CDH9: variants seen among roughly 807,000 people sequenced by gnomAD.
The protein encoded by CDH9 is cadherin 9, also known as cadherin-9.
CDH9 carries 28 observed loss-of-function variants against 70.9 expected under a neutral mutation model. That is an observed-to-expected ratio of 0.40 (90% CI 0.29 to 0.54). The LOEUF (loss-of-function observed/expected upper bound fraction) is 0.54. CDH9 is among the 20% of genes least tolerant of loss of function. CDH9 has a pLI of 0.59. For synonymous variants in CDH9, 409 were observed against 343.1 expected (o/e 1.19, Z -2.12); for missense variants, 874 against 984.4 (o/e 0.89, Z 1.50).
chr5:26,974,268 A>T (rs1486471408), intron 2 of CDH9, among the ~76,000 whole-genome samples: 2 of 152,092 alleles, frequency 1.3e-5, no homozygotes, highest in Non-Finnish European at 2.9e-5. Context: ...GAAAGAAGTT[A>T]AAAAAGGCCA....
chr5:26,940,566 C>A (rs1579464453), intron 2 of CDH9, among the ~76,000 whole-genome samples: 1 of 152,230 alleles, frequency 6.6e-6, no homozygotes, highest in Middle Eastern at 3.4e-3. Context: ...CAGGACCTGG[C>A]CCAAGCCCAA....
chr5:26,890,364 G>C, intron 8 of CDH9, 64 bp downstream of exon 8: 1 of 1,367,926 alleles, frequency 7.3e-7, no homozygotes, highest in Non-Finnish European at 1.0e-6. Flanking sequence ...GAGTCTAGCT[G>C]GTGCTATTAT....
chr5:26,998,105 CCA>C (rs975509884), intron 1 of CDH9, among the ~76,000 whole-genome samples: 2 of 152,086 alleles, frequency 1.3e-5, no homozygotes, highest in African/African-American at 4.8e-5. Context: ...CAAGGGCATT[CCA>C]CACCCAGCAT....
At position 26,889,871 on chromosome 5, in the gene CDH9, C is replaced by G. The variant is rs756298690; in HGVS notation, c.1477G>C (p.Glu493Gln). The part of the protein sequence containing the change: ...DHAPEFAMYY[E>Q]TFVCENAKPG... ...TTTGCATTTTCACAAACAAATGTTTCATAATACATGGCAAATTCCGGAGCA... is the reference window on the plus strand; with the variant it reads ...TTTGCATTTTCACAAACAAATGTTTGATAATACATGGCAAATTCCGGAGCA... The change falls in exon 9 of 12, where the codon GAA (glutamate) becomes CAA (glutamine). Residue 493 changes from glutamate (E) to glutamine (Q), a missense_variant. Physicochemically the swap from Glu to Gln is conservative, Grantham distance 29 (BLOSUM62 2). Coordinates refer to ENST00000231021, the MANE Select transcript of CDH9 (RefSeq NM_016279.4). 67 of 1,599,392 alleles carry G rather than the reference C, an allele frequency of 4.2e-5. No individual in the cohort carries two copies. In the East Asian group the frequency reaches 1.5e-3, roughly 35 times the overall value.
At chr5:27,031,641 G>C (rs1453308266) in intron 1 of CDH9, among the ~76,000 whole-genome samples, 1 of 151,770 alleles carries the variant, frequency 6.6e-6, no homozygotes, top group Non-Finnish European at 1.5e-5. Flanking sequence ...TTTAATAAAG[G>C]GTTGCAGTGA....
intron 2 of CDH9, among the ~76,000 whole-genome samples, chr5:26,941,657 A>G (rs762985631): frequency 2.0e-5 from 3 of 152,162 alleles, no homozygotes; most frequent in African/African-American, 7.2e-5. Context: ...AATATCTCCA[A>G]ATCTTTCACA....
chr5:26,993,624 A>AT (rs1742616920), intron 1 of CDH9, among the ~76,000 whole-genome samples: 1 of 142,604 alleles, frequency 7.0e-6, no homozygotes, highest in Non-Finnish European at 1.5e-5. Flanking sequence ...AAGAAGAAGG[A>AT]TATGGGAAGG....
At chr5:26,898,784 C>A (rs1053038652) in intron 7 of CDH9, among the ~76,000 whole-genome samples, 3 of 152,036 alleles carry the variant, frequency 2.0e-5, no homozygotes, top group Non-Finnish European at 2.9e-5. Context: ...GACTAAAACA[C>A]CAAAAGCAAT....
chr5:26,895,204 GT>G (rs906655890), intron 7 of CDH9, among the ~76,000 whole-genome samples: 5 of 151,868 alleles, frequency 3.3e-5, no homozygotes, highest in Admixed American at 6.6e-5. Context: ...CCAGAAACAT[GT>G]TTTCATAGCT....
At chr5:27,029,125 T>A (rs1056845704) in intron 1 of CDH9, among the ~76,000 whole-genome samples, 1 of 151,776 alleles carries the variant, frequency 6.6e-6, no homozygotes, top group Admixed American at 6.6e-5. Flanking sequence ...CATGGAAACT[T>A]TTTTTTTCTA....
chr5:26,973,113 C>G (rs1742249166), intron 2 of CDH9, among the ~76,000 whole-genome samples: 1 of 152,066 alleles, frequency 6.6e-6, no homozygotes, highest in African/African-American at 2.4e-5. Context: ...CTGCCCGCCT[C>G]GGCCTCCCAA....
chr5:26,925,085 T>C (rs911448181), intron 2 of CDH9, among the ~76,000 whole-genome samples: 1 of 152,178 alleles, frequency 6.6e-6, no homozygotes, highest in African/African-American at 2.4e-5. Flanking sequence ...CATCACTGGG[T>C]CAAATGGTAT....
chr5:26,976,530 C>T (rs1381198447), intron 2 of CDH9, among the ~76,000 whole-genome samples: 1 of 151,964 alleles, frequency 6.6e-6, no homozygotes, highest in Non-Finnish European at 1.5e-5. Flanking sequence ...TTCTGCTTCC[C>T]GGGCTCAAGC....
chr5:26,961,969 C>T (rs1579479441), intron 2 of CDH9, among the ~76,000 whole-genome samples: 1 of 152,130 alleles, frequency 6.6e-6, no homozygotes, highest in South Asian at 2.1e-4. Flanking sequence ...AATGCTATCC[C>T]TTCCCTCGCC....
chr5:27,002,470 C>T (rs1345770451), intron 1 of CDH9, among the ~76,000 whole-genome samples: 7 of 152,020 alleles, frequency 4.6e-5, no homozygotes, highest in African/African-American at 1.7e-4. Context: ...CACATGCACA[C>T]GTATGTTTAT....
intron 2 of CDH9, among the ~76,000 whole-genome samples, chr5:26,972,025 T>A (rs189601076): frequency 6.6e-6 from 1 of 152,308 alleles, no homozygotes; most frequent in African/African-American, 2.4e-5. Flanking sequence ...TAATAGTGAA[T>A]GTCCTATTTT....
At chr5:26,887,804 C>A (rs1244347016) in intron 9 of CDH9, among the ~76,000 whole-genome samples, 2 of 151,984 alleles carry the variant, frequency 1.3e-5, no homozygotes, top group Non-Finnish European at 2.9e-5. Flanking sequence ...AGGAAGAATG[C>A]CATGAAATGA....
At chr5:27,012,107 G>T (rs1215614415) in intron 1 of CDH9, among the ~76,000 whole-genome samples, 1 of 151,724 alleles carries the variant, frequency 6.6e-6, no homozygotes, top group Non-Finnish European at 1.5e-5. Context: ...AACCAAACTT[G>T]CAGATGTTCA....
At chr5:26,904,757 C>T (rs572227543) in intron 5 of CDH9, among the ~76,000 whole-genome samples, 14 of 152,108 alleles carry the variant, frequency 9.2e-5, no homozygotes, top group African/African-American at 2.6e-4. Flanking sequence ...ATTCGCTAAA[C>T]TTTGATGTCT....
Sources: gnomAD v4.1 joint callset for allele counts (sites outside exome capture counted in the v4.1 genomes callset) on GRCh38, gnomAD v4.1.1 for gene constraint, MANE v1.5 for transcripts, NCBI Gene and HGNC (gene_info 2026-07-23, HGNC 2026-07-21) for gene names.